FOXP1: variants seen among roughly 807,000 people sequenced by gnomAD.
FOXP1 encodes the protein forkhead box P1.
FOXP1 carries 15 observed loss-of-function variants against 98.2 expected under a neutral mutation model. That is an observed-to-expected ratio of 0.15 (90% CI 0.10 to 0.24). The LOEUF is 0.24. FOXP1 is among the 10% of genes least tolerant of loss of function. The pLI is 1.00. For synonymous variants in FOXP1, 371 were observed against 314.5 expected (o/e 1.18, Z -1.90); for missense variants, 633 against 848.5 (o/e 0.75, Z 3.15).
At chr3:71,416,108 A>G (rs917436713) in intron 3 of FOXP1, among the ~76,000 whole-genome samples, 1 of 152,246 alleles carries the variant, frequency 6.6e-6, no homozygotes, top group Non-Finnish European at 1.5e-5. Flanking sequence ...GTAAAGTTAC[A>G]TTCTTGTCTT....
chr3:71,580,496 C>A (rs2048081099), intron 2 of FOXP1, among the ~76,000 whole-genome samples: 1 of 152,092 alleles, frequency 6.6e-6, no homozygotes. Flanking sequence ...ATCAAAACTC[C>A]AGTGGAATTC....
intron 5 of FOXP1, among the ~76,000 whole-genome samples, chr3:71,272,479 C>T (rs1185833595): frequency 6.6e-6 from 1 of 152,014 alleles, no homozygotes; most frequent in African/African-American, 2.4e-5. Context: ...GGACAAGTAA[C>T]AGAAGATGGC....
At chr3:71,404,297 T>A (rs1267488279) in intron 3 of FOXP1, among the ~76,000 whole-genome samples, 1 of 151,766 alleles carries the variant, frequency 6.6e-6, no homozygotes, top group Non-Finnish European at 1.5e-5. Context: ...CTGGCTAATT[T>A]TGTATTTTTA....
At chr3:70,992,822 T>A (rs557537127) in intron 13 of FOXP1, among the ~76,000 whole-genome samples, 1 of 152,154 alleles carries the variant, frequency 6.6e-6, no homozygotes, top group Admixed American at 6.5e-5. Context: ...CAGAAGGACA[T>A]GGAAGTGAGA....
intron 6 of FOXP1, among the ~76,000 whole-genome samples, chr3:71,147,393 G>T (rs376664056): frequency 5.9e-5 from 9 of 152,186 alleles, no homozygotes; most frequent in African/African-American, 1.9e-4. Flanking sequence ...TGGTCTTGCT[G>T]CTCCAGCCAT....
At chr3:71,447,052 C>A (rs545119509) in intron 3 of FOXP1, among the ~76,000 whole-genome samples, 1 of 152,352 alleles carries the variant, frequency 6.6e-6, no homozygotes, top group African/African-American at 2.4e-5. Context: ...GGGCACTTGA[C>A]CCCAGCATGG....
chr3:71,203,002 C>G (rs2063769379), intron 5 of FOXP1, among the ~76,000 whole-genome samples: 1 of 152,140 alleles, frequency 6.6e-6, no homozygotes, highest in Non-Finnish European at 1.5e-5. Context: ...ATAACTAACT[C>G]TATAACTAAC....
intron 7 of FOXP1, among the ~76,000 whole-genome samples, chr3:71,100,983 G>A (rs930318509): frequency 5.3e-5 from 8 of 152,264 alleles, no homozygotes; most frequent in African/African-American, 1.9e-4. Context: ...ATAAAGAACA[G>A]AAGATTCTTT....
intron 20 of FOXP1, among the ~76,000 whole-genome samples, chr3:70,960,847 T>A (rs1321521563): frequency 2.0e-5 from 3 of 150,920 alleles, no homozygotes; most frequent in Non-Finnish European, 4.4e-5. Flanking sequence ...AATAATTTTT[T>A]TTTTTTTTTT....
chr3:71,220,098 T>C (rs1301449446), intron 5 of FOXP1, among the ~76,000 whole-genome samples: 1 of 152,246 alleles, frequency 6.6e-6, no homozygotes, highest in Admixed American at 6.5e-5. Context: ...TCAAGTTTTA[T>C]ACTAAACTCT....
At chr3:71,268,391 C>T (rs2069952930) in intron 5 of FOXP1, among the ~76,000 whole-genome samples, 1 of 152,078 alleles carries the variant, frequency 6.6e-6, no homozygotes, top group African/African-American at 2.4e-5. Context: ...TTCCGAGATT[C>T]CAAGGGGCAG....
In FOXP1 at chr3:71,477,272, C is replaced by T. The variant is rs143658500; in HGVS notation, c.-168+16154G>A. Among the ~76,000 whole-genome samples the T allele has an allele frequency of 1.3e-3, 203 of 152,314 alleles. 1 individual carries two copies. The highest frequency in any genetic ancestry group is 4.5e-3 in the African/African-American group (185 of 41,568). ...GGAAGTGTCCCATTCTAGGCAGATGCTCAAATTCTGAACACTTAAATCCCT... is the reference window on the plus strand; with the variant it reads ...GGAAGTGTCCCATTCTAGGCAGATGTTCAAATTCTGAACACTTAAATCCCT... On this transcript the variant is annotated intron_variant, in intron 3 of 20. Coordinates refer to ENST00000649528, the MANE Select transcript of FOXP1 (RefSeq NM_001349338.3).
chr3:71,577,948 T>C (rs971411946), intron 2 of FOXP1, among the ~76,000 whole-genome samples: 6 of 151,716 alleles, frequency 4.0e-5, no homozygotes, highest in Admixed American at 3.9e-4. Flanking sequence ...AAAAAACACA[T>C]TTAAAAAGAA....
At chr3:71,546,314 A>T (rs2045355857) in intron 2 of FOXP1, among the ~76,000 whole-genome samples, 1 of 152,206 alleles carries the variant, frequency 6.6e-6, no homozygotes, top group Non-Finnish European at 1.5e-5. Flanking sequence ...CACGAAATAC[A>T]CCTGGCTAAT....
intron 12 of FOXP1, among the ~76,000 whole-genome samples, chr3:71,010,776 A>C (rs2043478005): frequency 6.6e-6 from 1 of 152,044 alleles, no homozygotes; most frequent in Non-Finnish European, 1.5e-5. Context: ...GGATCTATGA[A>C]TCCAGCAATC....
intron 4 of FOXP1, among the ~76,000 whole-genome samples, chr3:71,339,790 A>C (rs1235985655): frequency 1.3e-5 from 2 of 152,182 alleles, no homozygotes; most frequent in Non-Finnish European, 2.9e-5. Flanking sequence ...CAAAGACGAT[A>C]ATTCCTCTCT....
chr3:71,556,022 T>C (rs1470400565), intron 2 of FOXP1, among the ~76,000 whole-genome samples: 7 of 152,022 alleles, frequency 4.6e-5, no homozygotes, highest in Non-Finnish European at 1.5e-5. Flanking sequence ...TCTTACAGAA[T>C]GTTATAAGGC....
intron 5 of FOXP1, among the ~76,000 whole-genome samples, chr3:71,289,119 C>T (rs2072485399): frequency 6.6e-6 from 1 of 152,078 alleles, no homozygotes; most frequent in Non-Finnish European, 1.5e-5. Flanking sequence ...ACTGCAACCT[C>T]CGTCTCCCGG....
At chr3:71,534,357 AAACAAC>A (rs748850801) in intron 2 of FOXP1, among the ~76,000 whole-genome samples, 2 of 151,882 alleles carry the variant, frequency 1.3e-5, no homozygotes, top group African/African-American at 2.4e-5. Flanking sequence ...ACTCTGTCAA[AAACAAC>A]AACAACAACA....
Sources: allele counts gnomAD v4.1 joint callset (sites outside exome capture counted in the v4.1 genomes callset), GRCh38; gene constraint gnomAD v4.1.1; transcripts MANE v1.5; gene names NCBI Gene and HGNC (gene_info 2026-07-23, HGNC 2026-07-21).